Variants in BCL11A observed in about 807,000 individuals in gnomAD.
BCL11A encodes the protein BCL11 transcription factor A, also known as B cell CLL/lymphoma 11A.
Under a neutral mutation model 55.9 loss-of-function variants are expected in BCL11A, and 2 were observed. The observed-to-expected ratio is 0.04, with a 90% CI of 0.01 to 0.11. The LOEUF is 0.11. Among genes scored for constraint, BCL11A ranks in the 10% least tolerant of loss-of-function variants. The probability of loss-of-function intolerance (pLI) is 1.00; values close to 1 mark genes in which losing one functional copy is unlikely to be tolerated. For synonymous variants in BCL11A, 465 were observed against 473.4 expected (o/e 0.98, Z 0.23); for missense variants, 817 against 1,137.1 (o/e 0.72, Z 4.05).
intron 2 of BCL11A, among the ~76,000 whole-genome samples, chr2:60,513,033 C>T (rs547409839): frequency 6.6e-6 from 1 of 152,230 alleles, no homozygotes; most frequent in African/African-American, 2.4e-5. Context: ...CCTCTGGTTA[C>T]CCCCTGAGAA....
Position 60,523,180 on chromosome 2 carries a change from G to A in BCL11A, c.385+22791C>T, listed in dbSNP as rs58416105. ...CAGAAAATACACTCATGGCAGAACC[G>A]TAAAGAAGGGAGATTTCAAGGCAAC... On this transcript the variant is annotated intron_variant, in intron 2 of 3. Transcript: ENST00000642384. 7.2e-5 allele frequency among the ~76,000 whole-genome samples: 11 copies of A among 152,316 alleles called. 1 individual carries two copies. Among genetic ancestry groups the A allele is most frequent in the South Asian group, 4.1e-4 (2 of 4,830 alleles).
intron 2 of BCL11A, chr2:60,484,505 C>A (rs1366035275): frequency 1.3e-5 from 2 of 152,152 alleles, no homozygotes; most frequent in Non-Finnish European, 1.5e-5. Context: ...TACAGATAAA[C>A]CGGGTTGCTT....
chr2:60,553,772 A>AGTGCGGGGAGGGGGAG (rs1481940900), upstream of BCL11A: 2 of 42,184 alleles, frequency 4.7e-5, no homozygotes, highest in East Asian at 1.6e-3. Flanking sequence ...GCCAATGGCC[A>AGTGCGGGGAGGGGGAG]GTGCGGGGAG....
chr2:60,499,873 T>G (rs1458118418), intron 2 of BCL11A: 2 of 152,330 alleles, frequency 1.3e-5, no homozygotes, highest in Admixed American at 6.5e-5. Flanking sequence ...TCAAGCCCCA[T>G]GTGCAGCTCC....
chr2:60,499,497 C>T (rs1251872670), intron 2 of BCL11A, among the ~76,000 whole-genome samples: 1 of 152,134 alleles, frequency 6.6e-6, no homozygotes, highest in Non-Finnish European at 1.5e-5. Flanking sequence ...TTGACTTGTC[C>T]GGGGCCACCT....
At chr2:60,512,946 C>T (rs141256300) in intron 2 of BCL11A, among the ~76,000 whole-genome samples, 17 of 152,286 alleles carry the variant, frequency 1.1e-4, no homozygotes, top group East Asian at 7.7e-4. Flanking sequence ...ACCTCTTAGA[C>T]GTCTCAGAGA....
At chr2:60,489,888 G>A (rs1027683116) in intron 2 of BCL11A, among the ~76,000 whole-genome samples, 5 of 152,120 alleles carry the variant, frequency 3.3e-5, no homozygotes, top group African/African-American at 1.2e-4. Flanking sequence ...GCCTTATTTT[G>A]TCACATATCA....
downstream of BCL11A, chr2:60,457,162 G>T: frequency 1.3e-6 from 1 of 786,978 alleles, no homozygotes; most frequent in Non-Finnish European, 1.6e-6. Flanking sequence ...TTTACAGAGT[G>T]TGTCAAATGA....
At chr2:60,499,104 A>G (rs920050783) in intron 2 of BCL11A, among the ~76,000 whole-genome samples, 7 of 152,118 alleles carry the variant, frequency 4.6e-5, no homozygotes, top group Non-Finnish European at 1.0e-4. Context: ...ATCACCCTAC[A>G]ATGTGTTCCC....
chr2:60,498,820 T>C (rs1354200542), intron 2 of BCL11A, among the ~76,000 whole-genome samples: 1 of 152,188 alleles, frequency 6.6e-6, no homozygotes, highest in Admixed American at 6.5e-5. Context: ...GAAGCCTCTC[T>C]GATGGATGTA....
chr2:60,481,660 C>G (rs970866664), intron 2 of BCL11A, among the ~76,000 whole-genome samples: 1 of 152,120 alleles, frequency 6.6e-6, no homozygotes, highest in Non-Finnish European at 1.5e-5. Flanking sequence ...TTTTTCTTGA[C>G]GCTCCACCCC....
chr2:60,521,898 T>A (rs1437559289), intron 2 of BCL11A, among the ~76,000 whole-genome samples: 1 of 152,190 alleles, frequency 6.6e-6, no homozygotes, highest in Non-Finnish European at 1.5e-5. Flanking sequence ...ACAAGGGATC[T>A]CTGTTCTTCC....
chr2:60,460,987 A>C lies in BCL11A; in HGVS notation c.1925T>G (p.Phe642Cys), dbSNP rs146235767. 243 of 1,609,320 alleles carry C rather than the reference A, an allele frequency of 1.5e-4. No homozygotes were observed. The highest frequency in any genetic ancestry group is 2.0e-4 in the Non-Finnish European group (233 of 1,177,470). The change falls in exon 4 of 4, where the codon TTC becomes TGC. Residue 642 changes from phenylalanine (F) to cysteine (C), a missense_variant. Physicochemically the swap from Phe to Cys is radical, Grantham distance 205. Transcript: ENST00000642384. The stretch of plus-strand genomic sequence containing the variant: ...GGGCATCGCGGCCGGGGGCAGGTCG[A>C]ACTCCTTCTCGAGCTTGATGCGCTT... ...FSKRIKLEKEFDLPPAAMPNT... is the reference protein window; with the variant it reads ...FSKRIKLEKECDLPPAAMPNT...
intron 2 of BCL11A, among the ~76,000 whole-genome samples, chr2:60,501,814 C>T (rs1023860198): frequency 1.3e-5 from 2 of 152,068 alleles, no homozygotes; most frequent in Non-Finnish European, 2.9e-5. Context: ...CCTTACACTG[C>T]TTTCTTAATT....
In BCL11A at chr2:60,458,339, T is replaced by C; in HGVS notation, c.*2065A>G. 9.7e-7 allele frequency: 1 copy of C among 1,026,868 alleles called. No individual in the cohort carries two copies. Among genetic ancestry groups the C allele is most frequent in the African/African-American group, 1.7e-5 (1 of 59,056 alleles). The allele number at this position is 1,026,868 out of a possible 1,614,324, so 63.6% of individuals were successfully genotyped here. A position where few individuals can be genotyped will look rare whatever the true frequency, so the allele number is the denominator to read the frequency against. Reference sequence around the variant, plus strand: ...GGCATAGAATTTCCACTACCATTTTTAAATGGATAACAAGTCTTGTAACAC... The same window carrying C: ...GGCATAGAATTTCCACTACCATTTTCAAATGGATAACAAGTCTTGTAACAC... On this transcript the variant is annotated 3_prime_UTR_variant, in exon 4 of 4. Transcript: ENST00000642384.
chr2:60,467,159 G>GTGA (rs1558618336), intron 3 of BCL11A, among the ~76,000 whole-genome samples: 6 of 128,680 alleles, frequency 4.7e-5, no homozygotes, highest in African/African-American at 1.9e-4. Flanking sequence ...GGTGGTGGTG[G>GTGA]TGGTGGTGAT....
chr2:60,494,537 C>T (rs1007934163), intron 2 of BCL11A, among the ~76,000 whole-genome samples: 1 of 152,226 alleles, frequency 6.6e-6, no homozygotes. Flanking sequence ...TCTCCCTAAT[C>T]TCCAATTGGC....
chr2:60,473,743 A>C (rs980070623), intron 2 of BCL11A, among the ~76,000 whole-genome samples: 5 of 152,248 alleles, frequency 3.3e-5, no homozygotes, highest in African/African-American at 1.2e-4. Flanking sequence ...AACATTAGCT[A>C]TGCCTGTGAC....
intron 2 of BCL11A, among the ~76,000 whole-genome samples, chr2:60,538,877 C>T (rs1186826487): frequency 6.6e-6 from 1 of 151,966 alleles, no homozygotes; most frequent in Non-Finnish European, 1.5e-5. Flanking sequence ...AAAGCTGGAA[C>T]TGTGGCTATT....
Sources: allele counts gnomAD v4.1 joint callset (sites outside exome capture counted in the v4.1 genomes callset), GRCh38; gene constraint gnomAD v4.1.1; transcripts MANE v1.5; gene names NCBI Gene and HGNC (gene_info 2026-07-23, HGNC 2026-07-21).